The following ERC2 variants were observed in gnomAD, a reference collection of about 807,000 sequenced individuals.
ERC2 encodes the protein ELKS/RAB6-interacting/CAST family member 2, also known as ERC protein 2.
Under a neutral mutation model 114.8 loss-of-function variants are expected in ERC2, and 42 were observed. The observed-to-expected ratio is 0.37, with a 90% CI of 0.29 to 0.47. ERC2 has a LOEUF of 0.47. ERC2 is among the 20% of genes least tolerant of loss of function. The pLI, the probability that ERC2 is intolerant of heterozygous loss-of-function variation, is 0.99. For synonymous variants in ERC2, 454 were observed against 425.5 expected, an observed-to-expected ratio of 1.07 and a Z score of -0.82; for missense variants, 939 against 1,150.7, an observed-to-expected ratio of 0.82 and a Z score of 2.66.
chr3:56,087,680 G>A (rs2077575430), intron 6 of ERC2, among the ~76,000 whole-genome samples: 1 of 152,106 alleles, frequency 6.6e-6, no homozygotes, highest in African/African-American at 2.4e-5. Context: ...AACGCTTCAA[G>A]AATTGAATAA....
intron 17 of ERC2, among the ~76,000 whole-genome samples, chr3:55,666,078 C>T (rs1477950374): frequency 6.6e-6 from 1 of 152,178 alleles, no homozygotes; most frequent in Non-Finnish European, 1.5e-5. Flanking sequence ...GCTCACACCA[C>T]CACCATGAGG....
chr3:56,052,320 T>C (rs1206931226), intron 7 of ERC2, among the ~76,000 whole-genome samples: 1 of 152,224 alleles, frequency 6.6e-6, no homozygotes, highest in Non-Finnish European at 1.5e-5. Context: ...ACTTTAGGTT[T>C]TAGAGACATT....
intron 15 of ERC2, 118 bp from the exon 16 acceptor site, chr3:55,699,630 A>T: frequency 8.7e-7 from 1 of 1,149,170 alleles, no homozygotes; most frequent in Non-Finnish European, 1.2e-6. Context: ...AGGAATTTTC[A>T]CTGTTAGTCA....
At chr3:56,316,420 T>C (rs2056864912) in intron 2 of ERC2, among the ~76,000 whole-genome samples, 1 of 152,188 alleles carries the variant, frequency 6.6e-6, no homozygotes, top group Non-Finnish European at 1.5e-5. Context: ...GAAAATGCTG[T>C]TATTATGAGT....
chr3:56,124,592 C>T lies in ERC2; in HGVS notation c.1473+14917G>A, dbSNP rs192539905. On this transcript the variant is annotated intron_variant, in intron 6 of 17. Transcript: ENST00000288221. ...GGAGGGAATTGAGCAAAACCATACA[C>T]CACAGAAGGAGGAAGAAATATAAGA... 6.6e-5 allele frequency among the ~76,000 whole-genome samples: 10 copies of T among 152,340 alleles called. No homozygotes were observed. In the East Asian group the frequency reaches 1.9e-3, roughly 29 times the overall value.
At chr3:55,843,674 A>G (rs528618537) in intron 14 of ERC2, among the ~76,000 whole-genome samples, 1 of 152,288 alleles carries the variant, frequency 6.6e-6, no homozygotes, top group South Asian at 2.1e-4. Flanking sequence ...TGCAGGGAGG[A>G]CTTTCCAATG....
At chr3:55,649,040 CCA>C (rs1433887582) in intron 17 of ERC2, among the ~76,000 whole-genome samples, 2 of 152,036 alleles carry the variant, frequency 1.3e-5, no homozygotes, top group African/African-American at 2.4e-5. Context: ...GGGGCTTATC[CCA>C]CAGACCAGCT....
At chr3:55,514,192 T>C (rs924522022) in intron 17 of ERC2, among the ~76,000 whole-genome samples, 2 of 152,096 alleles carry the variant, frequency 1.3e-5, no homozygotes, top group Non-Finnish European at 2.9e-5. Context: ...AGCCCAGAAA[T>C]TGGAGACCAA....
chr3:56,130,680 C>CT (rs2080152039), intron 6 of ERC2, among the ~76,000 whole-genome samples: 1 of 152,152 alleles, frequency 6.6e-6, no homozygotes, highest in Admixed American at 6.6e-5. Flanking sequence ...CCATAAAAAG[C>CT]TTTTATGACA....
chr3:55,539,571 T>A (rs2107330780), intron 17 of ERC2, among the ~76,000 whole-genome samples: 1 of 151,792 alleles, frequency 6.6e-6, no homozygotes, highest in Non-Finnish European at 1.5e-5. Context: ...TACAGACGCC[T>A]GCCACCATAC....
chr3:56,396,318 A>C (rs2060304657), intron 2 of ERC2, among the ~76,000 whole-genome samples: 1 of 152,228 alleles, frequency 6.6e-6, no homozygotes, highest in Non-Finnish European at 1.5e-5. Context: ...ACTCAATAGA[A>C]TATCTGATGG....
In ERC2 at chr3:55,734,821, T is replaced by C. The variant is rs745572296; in HGVS notation, c.2662A>G (p.Met888Val). The change falls in exon 15 of 18, where the codon ATG becomes GTG. Residue 888 changes from methionine (M) to valine (V), a missense_variant. Around this residue, in one of 5 missense-constraint regions of ERC2, gnomAD observed 328 missense variants for 353.9 expected, o/e 0.93. Transcript: ENST00000288221. Reference protein sequence around the residue: ...SKKKKTQEEVMALKREKDRLV... With the variant: ...SKKKKTQEEVVALKREKDRLV... ...CGGTCTTTTTCCCGCTTGAGGGCCATGACTTCTTCCTGCGTCTTTTTCTTT... is the reference window on the plus strand; with the variant it reads ...CGGTCTTTTTCCCGCTTGAGGGCCACGACTTCTTCCTGCGTCTTTTTCTTT... The C allele has an allele frequency of 5.6e-6, 9 of 1,613,258 alleles. No homozygotes were observed. The highest frequency in any genetic ancestry group is 1.7e-5 in the Admixed American group (1 of 59,906).
At chr3:55,544,903 C>T (rs1301070044) in intron 17 of ERC2, among the ~76,000 whole-genome samples, 1 of 152,186 alleles carries the variant, frequency 6.6e-6, no homozygotes, top group African/African-American at 2.4e-5. Flanking sequence ...GCCAAAGGGT[C>T]CTGTGACCAA....
intron 15 of ERC2, among the ~76,000 whole-genome samples, chr3:55,701,692 T>A (rs1349225303): frequency 2.6e-5 from 4 of 152,206 alleles, no homozygotes; most frequent in Non-Finnish European, 2.9e-5. Flanking sequence ...GAAGACCCAA[T>A]GGGCAAGTTA....
intron 2 of ERC2, among the ~76,000 whole-genome samples, chr3:56,354,182 A>C (rs1374261628): frequency 2.0e-5 from 3 of 152,252 alleles, no homozygotes; most frequent in Non-Finnish European, 2.9e-5. Flanking sequence ...TTTCCAACAC[A>C]CTAGTATCTA....
At position 55,534,431 on chromosome 3, in the gene ERC2, C is replaced by T. The variant is rs1053690058; in HGVS notation, c.*40-23155G>A. On this transcript the variant is annotated intron_variant, in intron 17 of 17. Transcript: ENST00000288221. The stretch of plus-strand genomic sequence containing the variant: ...AAAAAAGGCCAGGCTTGGTGGCTCC[C>T]GCCTGTAATCCCAGCACTTTAGGAG... Among the ~76,000 whole-genome samples the T allele has an allele frequency of 5.9e-5, 9 of 151,340 alleles. 1 individual carries two copies. Among genetic ancestry groups the T allele is most frequent in the Admixed American group, 3.9e-4 (6 of 15,210 alleles).
At chr3:55,784,982 TA>T (rs1476454410) in intron 14 of ERC2, among the ~76,000 whole-genome samples, 4 of 152,162 alleles carry the variant, frequency 2.6e-5, no homozygotes, top group Admixed American at 1.3e-4. Flanking sequence ...TTTAAAGGCA[TA>T]ACCGAAGATG....
chr3:55,610,064 C>CAAAAAAAAAAAAA (rs36088271), intron 17 of ERC2, among the ~76,000 whole-genome samples: 2 of 118,712 alleles, frequency 1.7e-5, no homozygotes, highest in Non-Finnish European at 3.6e-5. Flanking sequence ...CAAACACAAA[C>CAAAAAAAAAAAAA]AAAAAAAAAA....
At chr3:56,028,001 G>A (rs1043529924) in intron 7 of ERC2, among the ~76,000 whole-genome samples, 2 of 152,078 alleles carry the variant, frequency 1.3e-5, no homozygotes, top group African/African-American at 4.8e-5. Context: ...AATGTTCATT[G>A]TGTTGCCTGT....
Sources: allele counts gnomAD v4.1 joint callset (sites outside exome capture counted in the v4.1 genomes callset), GRCh38; gene constraint gnomAD v4.1.1; regional missense constraint gnomAD v4.1.1; transcripts MANE v1.5; gene names NCBI Gene and HGNC (gene_info 2026-07-23, HGNC 2026-07-21).